CECR2: variants seen among roughly 807,000 people sequenced by gnomAD.
CECR2 encodes the protein chromatin remodeling regulator CECR2.
A neutral mutation model predicts 154.5 loss-of-function variants in CECR2; 30 were observed. That is an observed-to-expected ratio of 0.19 (90% confidence interval 0.15 to 0.26). The LOEUF (loss-of-function observed/expected upper bound fraction) is 0.26, where lower values mean the gene tolerates loss of function less well. Among genes scored for constraint, CECR2 ranks in the 10% least tolerant of loss-of-function variants. The pLI is 1.00. For missense variants in CECR2, 1,743 were observed against 1,829.3 expected (o/e 0.95, Z 0.86); for synonymous variants, 725 against 683.7 (o/e 1.06, Z -0.94).
intron 13 of CECR2, among the ~76,000 whole-genome samples, chr22:17,539,822 T>G (rs528705219): frequency 3.9e-5 from 6 of 152,272 alleles, no homozygotes; most frequent in African/African-American, 1.4e-4. Context: ...AAATTTTTAC[T>G]GGCATTTTTT....
intron 16 of CECR2, among the ~76,000 whole-genome samples, chr22:17,547,647 G>C (rs2056634628): frequency 6.6e-6 from 1 of 152,220 alleles, no homozygotes; most frequent in South Asian, 2.1e-4. Flanking sequence ...TGAGAGGACA[G>C]TGAGACGGAG....
chr22:17,375,809 G>A (rs1901654530), intron 1 of CECR2, among the ~76,000 whole-genome samples: 1 of 151,956 alleles, frequency 6.6e-6, no homozygotes, highest in Non-Finnish European at 1.5e-5. Context: ...ACAAAAATTA[G>A]CCAGGTATGG....
At chr22:17,442,696 C>T (rs1227051071) in intron 1 of CECR2, among the ~76,000 whole-genome samples, 2 of 151,968 alleles carry the variant, frequency 1.3e-5, no homozygotes, top group East Asian at 1.9e-4. Flanking sequence ...TACAGGCGCC[C>T]GCCACCACCG....
At chr22:17,495,567 T>TAAAA (rs35952986) in intron 2 of CECR2, among the ~76,000 whole-genome samples, 1 of 124,824 alleles carries the variant, frequency 8.0e-6, no homozygotes, top group Non-Finnish European at 1.6e-5. Flanking sequence ...AAAACTCCAT[T>TAAAA]AAAAAAAAAA....
chr22:17,530,484 C>T (rs183360707), intron 9 of CECR2, among the ~76,000 whole-genome samples: 3 of 151,650 alleles, frequency 2.0e-5, no homozygotes, highest in Non-Finnish European at 2.9e-5. Flanking sequence ...CCATCCTGGC[C>T]AACATGGTGA....
chr22:17,408,965 T>G (rs1017814794), intron 1 of CECR2, among the ~76,000 whole-genome samples: 1 of 152,226 alleles, frequency 6.6e-6, no homozygotes, highest in Non-Finnish European at 1.5e-5. Context: ...GTATCAGCTT[T>G]CTTTTCTTTT....
At chr22:17,470,426 T>C (rs1320040391) in intron 1 of CECR2, among the ~76,000 whole-genome samples, 1 of 150,972 alleles carries the variant, frequency 6.6e-6, no homozygotes, top group African/African-American at 2.4e-5. Context: ...AAATTCTGTC[T>C]ATGCACATTT....
rs368003991 is a variant in CECR2, at chr22:17,548,823, C to A, written c.3536C>A (p.Pro1179Gln). ...HSGGFPRYRP[P>Q]QGMRYSYHPP... ...GGAGGCTTTCCCCGGTATCGCCCCCCACAAGGAATGAGGTATTCCTACCAC... is the reference window on the plus strand; with the variant it reads ...GGAGGCTTTCCCCGGTATCGCCCCCAACAAGGAATGAGGTATTCCTACCAC... The change falls in exon 17 of 19, where the codon CCA becomes CAA. Residue 1179 changes from proline to glutamine, a missense_variant. Physicochemically the swap from Pro to Gln is moderately conservative, Grantham distance 76. Transcript: ENST00000262608. 82 of 1,613,706 alleles carry A rather than the reference C, an allele frequency of 5.1e-5. No individual in the cohort carries two copies. The highest frequency in any genetic ancestry group is 2.4e-4 in the South Asian group (22 of 91,088).
At chr22:17,411,690 C>A (rs2054070115) in intron 1 of CECR2, among the ~76,000 whole-genome samples, 3 of 152,060 alleles carry the variant, frequency 2.0e-5, no homozygotes, top group Admixed American at 6.6e-5. Flanking sequence ...ACATAAATCT[C>A]AGAATTTAAA....
At chr22:17,410,646 C>G (rs1464520322) in intron 1 of CECR2, among the ~76,000 whole-genome samples, 1 of 152,108 alleles carries the variant, frequency 6.6e-6, no homozygotes, top group Non-Finnish European at 1.5e-5. Context: ...TGGGGTTTCA[C>G]TATGTTGGCC....
chr22:17,482,386 C>T (rs1173731626), intron 2 of CECR2, among the ~76,000 whole-genome samples: 6 of 151,664 alleles, frequency 4.0e-5, no homozygotes, highest in South Asian at 4.2e-4. Flanking sequence ...ATCATGCCAC[C>T]GTACTCCAGC....
At chr22:17,398,768 A>G (rs933813159) in intron 1 of CECR2, among the ~76,000 whole-genome samples, 2 of 152,240 alleles carry the variant, frequency 1.3e-5, no homozygotes, top group African/African-American at 2.4e-5. Flanking sequence ...AGCTGTTACT[A>G]TTCACTAAAC....
intron 2 of CECR2, 63 bp downstream of exon 2, chr22:17,477,745 A>G (rs952460584): frequency 8.5e-7 from 1 of 1,170,338 alleles, no homozygotes; most frequent in African/African-American, 1.5e-5. Context: ...AACCATAGTG[A>G]TGTTTCCTGT....
intron 1 of CECR2, among the ~76,000 whole-genome samples, chr22:17,430,344 T>A (rs1461605812): frequency 6.6e-6 from 1 of 152,182 alleles, no homozygotes; most frequent in Non-Finnish European, 1.5e-5. Flanking sequence ...GGGCCCTACC[T>A]TTCTGCACCC....
chr22:17,381,821 A>G (rs1246711438), intron 1 of CECR2, among the ~76,000 whole-genome samples: 1 of 152,204 alleles, frequency 6.6e-6, no homozygotes, highest in African/African-American at 2.4e-5. Flanking sequence ...TGGAGGAAGC[A>G]TCATGCTTCT....
intron 1 of CECR2, among the ~76,000 whole-genome samples, chr22:17,385,312 G>A (rs1030171805): frequency 1.3e-5 from 2 of 152,166 alleles, no homozygotes; most frequent in African/African-American, 2.4e-5. Flanking sequence ...CTTTCAGCAC[G>A]CCTTCTTCAT....
chr22:17,362,897 G>A (rs1486354449), intron 1 of CECR2, among the ~76,000 whole-genome samples: 7 of 84,084 alleles, frequency 8.3e-5, no homozygotes, highest in Non-Finnish European at 1.6e-4. Flanking sequence ...GCGAAACTCC[G>A]TCTCAAAAAA....
chr22:17,485,061 C>T (rs1469844993), intron 2 of CECR2, among the ~76,000 whole-genome samples: 1 of 152,186 alleles, frequency 6.6e-6, no homozygotes, highest in Non-Finnish European at 1.5e-5. Context: ...TACAGGACAG[C>T]ATAACACTGT....
rs1397975754 is a variant in CECR2, at chr22:17,399,493, C to G, written c.126+29584C>G. Among the ~76,000 whole-genome samples, 4 of 150,000 alleles carry G rather than the reference C, an allele frequency of 2.7e-5. No homozygotes were observed. The Admixed American group carries it at 2.7e-4, about 10-fold the overall frequency. Reference sequence around the variant, plus strand: ...AGTGCCGTGGCGTGATCTCGGCTCACTGCAACCTCTGCCTCCTGGGTTCAA... The same window carrying G: ...AGTGCCGTGGCGTGATCTCGGCTCAGTGCAACCTCTGCCTCCTGGGTTCAA... On this transcript the variant is annotated intron_variant, in intron 1 of 18. Coordinates refer to ENST00000262608, the MANE Select transcript of CECR2 (RefSeq NM_001290047.2).
Sources: gnomAD v4.1 joint callset for allele counts (sites outside exome capture counted in the v4.1 genomes callset) on GRCh38, gnomAD v4.1.1 for gene constraint, MANE v1.5 for transcripts, NCBI Gene and HGNC (gene_info 2026-07-23, HGNC 2026-07-21) for gene names.